Variants in AGMO observed in about 807,000 individuals in gnomAD.
AGMO encodes the protein alkylglycerol monooxygenase, also known as glyceryl-ether monooxygenase.
In AGMO, 75 loss-of-function variants were observed where a neutral mutation model predicts 60.2. That is an observed-to-expected ratio of 1.25 (90% CI 1.03 to 1.51). The LOEUF (loss-of-function observed/expected upper bound fraction) is 1.51, where lower values mean the gene tolerates loss of function less well. Ranked by LOEUF, AGMO falls within the 40% of genes most tolerant of loss-of-function variation. The probability of loss-of-function intolerance (pLI) is 0.00; values close to 1 mark genes in which losing one functional copy is unlikely to be tolerated. For synonymous variants in AGMO, 261 were observed against 177.1 expected (o/e 1.47, Z -3.76); for missense variants, 763 against 525.5 (o/e 1.45, Z -4.42).
At chr7:15,354,860 A>G (rs1426708970) in intron 12 of AGMO, among the ~76,000 whole-genome samples, 1 of 151,382 alleles carries the variant, frequency 6.6e-6, no homozygotes, top group East Asian at 2.0e-4. Flanking sequence ...AATATATTAT[A>G]TCCTATAAAA....
rs145505538 is a variant in AGMO, at chr7:15,252,879, T to C, written c.1264-51520A>G. Among the ~76,000 whole-genome samples, 6 of 152,080 alleles carry C rather than the reference T, an allele frequency of 3.9e-5. No homozygotes were observed. The East Asian group carries it at 1.2e-3, about 29-fold the overall frequency. ...GTAAGTTGAAAGAAAAGACAAGAGA[T>C]CATGACATACAGAGAGTTAAGTGAA... is the stretch of plus-strand genomic sequence containing the variant. On this transcript the variant is annotated intron_variant, in intron 12 of 12. Transcript: ENST00000342526.
chr7:15,418,432 A>G, intron 5 of AGMO, 126 bp downstream of exon 5: 1 of 629,516 alleles, frequency 1.6e-6, no homozygotes, highest in East Asian at 3.1e-5. Context: ...AAATGAACAG[A>G]TGTTTCTCCT....
the AGMO span, among the ~76,000 whole-genome samples, chr7:15,179,875 A>AT: frequency 6.6e-6 from 1 of 152,158 alleles, no homozygotes; most frequent in East Asian, 1.9e-4. Context: ...AGAGCAGGAG[A>AT]TAAAGCCACA....
chr7:15,394,495 T>G (rs1008147521), intron 5 of AGMO, among the ~76,000 whole-genome samples: 1 of 152,160 alleles, frequency 6.6e-6, no homozygotes. Context: ...ATATCTCAAT[T>G]TTCTCATCTT....
intron 3 of AGMO, among the ~76,000 whole-genome samples, chr7:15,451,574 T>C (rs964112001): frequency 6.6e-6 from 1 of 152,148 alleles, no homozygotes; most frequent in African/African-American, 2.4e-5. Flanking sequence ...CAGGTCTCTT[T>C]TATATCATAA....
At chr7:15,490,006 G>T (rs766920283) in intron 3 of AGMO, among the ~76,000 whole-genome samples, 1 of 152,236 alleles carries the variant, frequency 6.6e-6, no homozygotes, top group East Asian at 1.9e-4. Flanking sequence ...ATCCTTCTCC[G>T]TGCACATGGC....
chr7:15,500,262 T>C (rs1190406189), intron 3 of AGMO, among the ~76,000 whole-genome samples: 9 of 151,924 alleles, frequency 5.9e-5, no homozygotes. Context: ...TTTGAGTGTC[T>C]GTCCCAGTCA....
the AGMO span, among the ~76,000 whole-genome samples, chr7:15,185,781 T>C: frequency 5.9e-5 from 9 of 152,220 alleles, no homozygotes; most frequent in African/African-American, 1.9e-4. Context: ...CCTTGTTTTC[T>C]AACAGAATGA....
chr7:15,334,573 A>G (rs1049921341), intron 12 of AGMO, among the ~76,000 whole-genome samples: 35 of 152,268 alleles, frequency 2.3e-4, no homozygotes, highest in African/African-American at 7.9e-4. Context: ...CCAACTTCAA[A>G]GCAGAGATAT....
intron 3 of AGMO, among the ~76,000 whole-genome samples, chr7:15,537,008 A>G (rs976539898): frequency 1.3e-5 from 2 of 152,040 alleles, no homozygotes; most frequent in Admixed American, 6.6e-5. Context: ...TCTTTTTCTG[A>G]ATAAAATTAC....
chr7:15,258,036 C>A (rs1783152111), intron 12 of AGMO, among the ~76,000 whole-genome samples: 2 of 152,112 alleles, frequency 1.3e-5, no homozygotes, highest in Admixed American at 6.5e-5. Context: ...ACACATGATT[C>A]TCCATTCTTC....
chr7:15,320,276 A>AAAAT (rs202162685), intron 12 of AGMO, among the ~76,000 whole-genome samples: 1 of 149,566 alleles, frequency 6.7e-6, no homozygotes, highest in East Asian at 1.9e-4. Flanking sequence ...ATATACACAT[A>AAAAT]AAATAAATAA....
intron 3 of AGMO, among the ~76,000 whole-genome samples, chr7:15,478,893 T>C (rs1010625579): frequency 6.6e-6 from 1 of 152,182 alleles, no homozygotes; most frequent in Non-Finnish European, 1.5e-5. Flanking sequence ...TTATCCTAAA[T>C]TTAGTGCACT....
intron 12 of AGMO, among the ~76,000 whole-genome samples, chr7:15,270,323 GGT>G (rs1156465081): frequency 9.2e-5 from 14 of 151,894 alleles, no homozygotes; most frequent in African/African-American, 3.4e-4. Context: ...CATTCTGAAT[GGT>G]ATGAGATGAT....
chr7:15,258,055 G>A (rs942579817), intron 12 of AGMO, among the ~76,000 whole-genome samples: 5 of 152,058 alleles, frequency 3.3e-5, no homozygotes, highest in Non-Finnish European at 5.9e-5. Context: ...TCATTAGAGC[G>A]ATAACATTCT....
At chr7:15,131,757 AACACACACAC>A in the AGMO span, among the ~76,000 whole-genome samples, 3 of 146,256 alleles carry the variant, frequency 2.1e-5, no homozygotes, top group African/African-American at 7.6e-5. Context: ...CAAAGAAATT[AACACACACAC>A]ACACACACAC....
intron 12 of AGMO, among the ~76,000 whole-genome samples, chr7:15,341,255 T>G (rs1781838299): frequency 6.6e-6 from 1 of 152,190 alleles, no homozygotes; most frequent in Admixed American, 6.5e-5. Context: ...TTTCCAAATT[T>G]TTATGCTCTG....
rs555617876 is a variant in AGMO, at chr7:15,316,674, T to C, written c.1263+48840A>G. Reference sequence around the variant, plus strand: ...GCAGAGGGGATAATAATAGATACTTTACTGTAAAATAAGTTAAATACTTTA... The same window carrying C: ...GCAGAGGGGATAATAATAGATACTTCACTGTAAAATAAGTTAAATACTTTA... On this transcript the variant is annotated intron_variant, in intron 12 of 12. Transcript: ENST00000342526. 2.0e-5 allele frequency among the ~76,000 whole-genome samples: 3 copies of C among 152,276 alleles called. No homozygotes were observed. The South Asian group carries it at 6.2e-4, about 32-fold the overall frequency.
intron 3 of AGMO, among the ~76,000 whole-genome samples, chr7:15,441,641 C>T (rs1781558402): frequency 6.6e-6 from 1 of 152,000 alleles, no homozygotes; most frequent in African/African-American, 2.4e-5. Context: ...GCAAGCACTC[C>T]TACGACGCTC....
Sources: allele counts gnomAD v4.1 joint callset (sites outside exome capture counted in the v4.1 genomes callset), GRCh38; gene constraint gnomAD v4.1.1; transcripts MANE v1.5; gene names NCBI Gene and HGNC (gene_info 2026-07-23, HGNC 2026-07-21).